TANC2: variants seen among roughly 807,000 people sequenced by gnomAD.
The protein encoded by TANC2 is protein TANC2.
In TANC2, 26 loss-of-function variants were observed where a neutral mutation model predicts 210.5. The observed-to-expected ratio is 0.12, with a 90% CI of 0.09 to 0.17. The LOEUF (loss-of-function observed/expected upper bound fraction) is 0.17. Among genes scored for constraint, TANC2 ranks in the 10% least tolerant of loss-of-function variants. TANC2 has a pLI of 1.00. For synonymous variants in TANC2, 931 were observed against 967.1 expected (o/e 0.96, Z 0.69); for missense variants, 2,129 against 2,608.9 (o/e 0.82, Z 4.01).
rs373766352 is a variant in TANC2, at chr17:63,200,989, T to A, written c.769+32T>A. 5 of 1,549,006 alleles carry A rather than the reference T, an allele frequency of 3.2e-6. No individual in the cohort carries two copies. The African/African-American group carries it at 6.9e-5, about 21-fold the overall frequency. ...TGGTTTTTATATTGATAATTTTGTG[T>A]CCTTTTTTTCCTTTTTAAAATAATT... On this transcript the variant is annotated intron_variant, in intron 7 of 27. Coordinates refer to ENST00000689528, the Ensembl canonical transcript of TANC2.
intron 1 of TANC2, among the ~76,000 whole-genome samples, chr17:63,002,975 C>G (rs1054267280): frequency 1.3e-5 from 2 of 152,084 alleles, no homozygotes; most frequent in African/African-American, 4.8e-5. Flanking sequence ...TTTAATTTCT[C>G]TTGGGTAAAT....
chr17:63,060,485 G>A (rs1027734637), intron 2 of TANC2, among the ~76,000 whole-genome samples: 4 of 152,128 alleles, frequency 2.6e-5, no homozygotes, highest in African/African-American at 9.7e-5. Flanking sequence ...GCTGGGCATG[G>A]TGGTGGGCGC....
Position 63,232,384 on chromosome 17 carries a change from C to T in TANC2, c.770-5430C>T, listed in dbSNP as rs139004694. The stretch of plus-strand genomic sequence containing the variant: ...TTTTTCATTGATTCTTTCTCATCTT[C>T]GTGAGTTCGTCTAGCTTCAATCTTT... On this transcript the variant is annotated intron_variant, in intron 7 of 27. Coordinates refer to ENST00000689528, the Ensembl canonical transcript of TANC2. Among the ~76,000 whole-genome samples, 14 of 152,332 alleles carry T rather than the reference C, an allele frequency of 9.2e-5. No homozygotes were observed. The East Asian group carries it at 2.3e-3, about 25-fold the overall frequency.
chr17:63,340,376 C>T, intron 12 of TANC2, 44 bp downstream of exon 12: 1 of 1,492,346 alleles, frequency 6.7e-7, no homozygotes, highest in South Asian at 1.2e-5. Flanking sequence ...AGGTTTAGAG[C>T]CCAAGTTCAC....
chr17:63,124,858 C>T (rs764648979), intron 4 of TANC2, among the ~76,000 whole-genome samples: 3 of 151,948 alleles, frequency 2.0e-5, no homozygotes, highest in African/African-American at 2.4e-5. Context: ...GTTGCTTGCC[C>T]CTTATGAGAC....
At chr17:63,013,146 A>T (rs748909808) in intron 2 of TANC2, among the ~76,000 whole-genome samples, 12 of 150,670 alleles carry the variant, frequency 8.0e-5, no homozygotes, top group Non-Finnish European at 1.5e-4. Context: ...GTCCTAATGC[A>T]CTGCAGCCTT....
At chr17:63,332,178 C>T in intron 11 of TANC2, 1 of 374,564 alleles carries the variant, frequency 2.7e-6, no homozygotes, top group East Asian at 8.5e-5. Context: ...CAAAGCCACA[C>T]ACTGTTTTTA....
At chr17:63,003,998 A>C (rs1020875162) in intron 1 of TANC2, among the ~76,000 whole-genome samples, 1 of 152,276 alleles carries the variant, frequency 6.6e-6, no homozygotes, top group Non-Finnish European at 1.5e-5. Context: ...AACAGTGTAC[A>C]ACAACTTTCA....
chr17:63,421,257 C>T lies in TANC2; in HGVS notation c.5527C>T (p.Pro1843Ser). 1.2e-6 allele frequency: 2 copies of T among 1,614,012 alleles called. No homozygotes were observed. Among genetic ancestry groups the T allele is most frequent in the Non-Finnish European group, 1.7e-6 (2 of 1,179,898 alleles). ...AATCAGAAGACCTATCAGTGTCAAC[C>T]CTAACGAAATCAAACCGCACCCGCC... Residue 1843 changes from proline (P) to serine (S), a missense_variant, in exon 28 of 28, where the codon CCT becomes TCT. Pro to Ser is a moderately conservative substitution (Grantham distance 74). Around this residue, in one of 5 missense-constraint regions of TANC2, gnomAD observed 584 missense variants for 627.3 expected, o/e 0.93. Coordinates refer to ENST00000689528, the Ensembl canonical transcript of TANC2. This position sits in a 1 kb window ranked among gnomAD's most constrained non-coding sequence, Gnocchi z 6.9.
chr17:63,220,849 C>T (rs2920442), intron 7 of TANC2, among the ~76,000 whole-genome samples: 149,813 of 149,838 alleles, frequency 1, 74,894 homozygotes, highest in Middle Eastern at 1. Context: ...TGTGTATATA[C>T]GTATATACGT....
At chr17:63,375,167 G>T (rs1024393962) in intron 14 of TANC2, among the ~76,000 whole-genome samples, 1 of 152,152 alleles carries the variant, frequency 6.6e-6, no homozygotes, top group African/African-American at 2.4e-5. Context: ...GTACATTGCT[G>T]TTTCCCCTTA....
At chr17:63,339,866 GATATC>G (rs2046168624) in intron 11 of TANC2, among the ~76,000 whole-genome samples, 1 of 152,070 alleles carries the variant, frequency 6.6e-6, no homozygotes, top group Non-Finnish European at 1.5e-5. Flanking sequence ...TCTGGGTTAT[GATATC>G]ATATGCATAC....
intron 8 of TANC2, among the ~76,000 whole-genome samples, chr17:63,250,481 A>G (rs887511387): frequency 2.6e-5 from 4 of 152,116 alleles, no homozygotes; most frequent in African/African-American, 9.7e-5. Context: ...GCTATAAGGT[A>G]GGAACGTATG....
chr17:63,370,942 C>T (rs1323264413), intron 14 of TANC2, among the ~76,000 whole-genome samples: 1 of 152,218 alleles, frequency 6.6e-6, no homozygotes, highest in African/African-American at 2.4e-5. Context: ...GAACTCTTGA[C>T]TTGGAAGGCG....
intron 26 of TANC2, among the ~76,000 whole-genome samples, chr17:63,417,119 T>C (rs1243612850): frequency 2.6e-5 from 4 of 152,364 alleles, no homozygotes; most frequent in Middle Eastern, 3.4e-3. Context: ...AAATTCTTTC[T>C]AGCTCCACAT....
chr17:63,022,675 C>T (rs149307493), intron 2 of TANC2, among the ~76,000 whole-genome samples: 3 of 152,274 alleles, frequency 2.0e-5, no homozygotes, highest in African/African-American at 7.2e-5. Context: ...ATTTGAGAGA[C>T]CTTGGAGGCT....
intron 11 of TANC2, among the ~76,000 whole-genome samples, chr17:63,335,213 C>G (rs2045984662): frequency 6.6e-6 from 1 of 152,180 alleles, no homozygotes; most frequent in African/African-American, 2.4e-5. Flanking sequence ...ATAAAACACT[C>G]TTTTTCTGGT....
intron 12 of TANC2, among the ~76,000 whole-genome samples, chr17:63,345,947 A>G (rs573688758): frequency 6.6e-6 from 1 of 152,212 alleles, no homozygotes; most frequent in Non-Finnish European, 1.5e-5. Context: ...AAATAGATCA[A>G]TGGAACAGAA....
chr17:63,173,914 A>C (rs948689207), intron 5 of TANC2, among the ~76,000 whole-genome samples: 2 of 152,250 alleles, frequency 1.3e-5, no homozygotes, highest in African/African-American at 4.8e-5. Context: ...ATGGTAGTAA[A>C]AATGACAAGA....
Sources: allele counts gnomAD v4.1 joint callset (sites outside exome capture counted in the v4.1 genomes callset), GRCh38; gene constraint gnomAD v4.1.1; regional missense constraint gnomAD v4.1.1; non-coding constraint Gnocchi (gnomAD v3.1); transcripts MANE v1.5; gene names NCBI Gene and HGNC (gene_info 2026-07-23, HGNC 2026-07-21).